The following COL22A1 variants were observed in gnomAD, a reference collection of about 807,000 sequenced individuals.
COL22A1 encodes the protein collagen alpha-1(XXII) chain.
COL22A1 carries 221 observed loss-of-function variants against 248.9 expected under a neutral mutation model. The ratio of observed to expected loss-of-function variants is 0.89; its 90% CI spans 0.80 to 0.99. COL22A1 has a LOEUF of 0.99. Ranked by LOEUF, COL22A1 falls within the 50% of genes least tolerant of loss-of-function variation. The pLI, the probability that COL22A1 is intolerant of heterozygous loss-of-function variation, is 0.00. For missense variants in COL22A1, 2,240 were observed against 2,179.0 expected, an observed-to-expected ratio of 1.03 and a Z score of -0.56; for synonymous variants, 891 against 793.4, an observed-to-expected ratio of 1.12 and a Z score of -2.07.
chr8:138,903,411 G>A (rs552251766), intron 1 of COL22A1, among the ~76,000 whole-genome samples: 4 of 152,306 alleles, frequency 2.6e-5, no homozygotes, highest in Non-Finnish European at 5.9e-5. Context: ...TTTTATGCTT[G>A]GGGTAACATG....
chr8:138,840,615 T>G (rs1820812390), intron 4 of COL22A1, among the ~76,000 whole-genome samples: 1 of 151,992 alleles, frequency 6.6e-6, no homozygotes, highest in South Asian at 2.1e-4. Context: ...TAAGAAAAGG[T>G]CTTGCTCTGT....
intron 3 of COL22A1, among the ~76,000 whole-genome samples, chr8:138,875,808 T>A (rs1051008927): frequency 6.6e-5 from 10 of 152,196 alleles, no homozygotes; most frequent in Admixed American, 1.3e-4. Flanking sequence ...AAAGAGAGAA[T>A]CCTTATCCTA....
intron 15 of COL22A1, 170 bp downstream of exon 15, chr8:138,778,183 G>A: frequency 1.3e-6 from 1 of 744,294 alleles, no homozygotes; most frequent in Non-Finnish European, 2.4e-6. Context: ...CTTATGGACT[G>A]TAACATCTAA....
At position 138,877,898 on chromosome 8, in the gene COL22A1, G is replaced by A; in HGVS notation, c.510C>T (p.Ile170=). Residue 170 remains isoleucine (I), a synonymous_variant, in exon 3 of 65, where the codon ATC becomes ATT. Coordinates refer to ENST00000303045, the MANE Select transcript of COL22A1 (RefSeq NM_152888.3). ...DAAAAAHRAG[I]RIFAVGVGEA... is the part of the protein sequence containing the mutation. ...CGCCCACGCCCACGGCAAAGATGCGGATGCCAGCGCGGTGGGCTGCCGCCG... is the reference window on the plus strand; with the variant it reads ...CGCCCACGCCCACGGCAAAGATGCGAATGCCAGCGCGGTGGGCTGCCGCCG... 1.9e-6 allele frequency: 3 copies of A among 1,611,742 alleles called. No individual in the cohort carries two copies. The South Asian group carries it at 3.3e-5, about 18-fold the overall frequency.
intron 3 of COL22A1, among the ~76,000 whole-genome samples, chr8:138,853,644 C>G (rs1050709423): frequency 1.3e-5 from 2 of 152,166 alleles, no homozygotes; most frequent in Non-Finnish European, 2.9e-5. Context: ...TTCCAAGGAG[C>G]TCAACAGTGT....
intron 41 of COL22A1, among the ~76,000 whole-genome samples, chr8:138,666,988 G>T (rs968405239): frequency 6.6e-6 from 1 of 152,100 alleles, no homozygotes; most frequent in African/African-American, 2.4e-5. Context: ...ACCTTGCCTT[G>T]TGTTATCAGA....
At chr8:138,638,048 T>C (rs1470629730) in intron 47 of COL22A1, among the ~76,000 whole-genome samples, 1 of 152,012 alleles carries the variant, frequency 6.6e-6, no homozygotes, top group Non-Finnish European at 1.5e-5. Flanking sequence ...CTCATCATCA[T>C]CATTGTCATC....
intron 16 of COL22A1, among the ~76,000 whole-genome samples, chr8:138,775,697 G>T (rs531948191): frequency 6.6e-6 from 1 of 152,264 alleles, no homozygotes; most frequent in Non-Finnish European, 1.5e-5. Context: ...CTCCGCCTTG[G>T]TGCAGAGGAT....
intron 1 of COL22A1, among the ~76,000 whole-genome samples, chr8:138,909,850 T>C (rs1815315334): frequency 6.6e-6 from 1 of 152,192 alleles, no homozygotes; most frequent in Non-Finnish European, 1.5e-5. Flanking sequence ...TTTCAGCCTC[T>C]CATGAGTGCT....
rs1554633655 is a variant in COL22A1, at chr8:138,809,528, C to CTTTTTCTTTTTCT, written c.1450-1717_1450-1716insAGAAAAAGAAAAA. Among the ~76,000 whole-genome samples, 2 of 117,630 alleles carry CTTTTTCTTTTTCT rather than the reference C, an allele frequency of 1.7e-5. 1 individual carries two copies. The highest frequency in any genetic ancestry group is 6.6e-5 in the African/African-American group (2 of 30,110). The allele number at this position is 117,630 out of a possible 152,430, so 77.2% of individuals were successfully genotyped here. The stretch of plus-strand genomic sequence containing the variant: ...TTTCTTCTTCTCTTTTTTTCTTTTT[C>CTTTTTCTTTTTCT]TTTTTTTTTTGAGACAGAGTCTCAC... On this transcript the variant is annotated intron_variant, in intron 9 of 64. Transcript: ENST00000303045.
chr8:138,807,922 G>GC (rs1301796839), intron 9 of COL22A1, 110 bp from the exon 10 acceptor site: 2 of 1,078,544 alleles, frequency 1.9e-6, no homozygotes, highest in Non-Finnish European at 2.8e-6. Context: ...GGCTTAGTAA[G>GC]CCCAGCGCCG....
At chr8:138,816,532 T>G (rs1426620173) in intron 7 of COL22A1, among the ~76,000 whole-genome samples, 1 of 152,192 alleles carries the variant, frequency 6.6e-6, no homozygotes, top group Non-Finnish European at 1.5e-5. Flanking sequence ...GGCTGCAGTG[T>G]GGAAACCAAT....
At chr8:138,819,820 T>C (rs900700572) in intron 7 of COL22A1, among the ~76,000 whole-genome samples, 1 of 151,594 alleles carries the variant, frequency 6.6e-6, no homozygotes, top group Non-Finnish European at 1.5e-5. Context: ...TTGAAATACA[T>C]GGGAAAGTTA....
At chr8:138,634,828 G>T (rs144313944) in intron 49 of COL22A1, among the ~76,000 whole-genome samples, 182 bp downstream of exon 49, 2 of 152,166 alleles carry the variant, frequency 1.3e-5, no homozygotes, top group East Asian at 3.9e-4. Flanking sequence ...ACTCCAGACC[G>T]TCTGCACTTT....
intron 47 of COL22A1, among the ~76,000 whole-genome samples, chr8:138,638,140 C>T (rs1401547943): frequency 6.6e-6 from 1 of 151,918 alleles, no homozygotes; most frequent in Non-Finnish European, 1.5e-5. Flanking sequence ...CACAGACCAC[C>T]CAAGAAAGTA....
intron 23 of COL22A1, among the ~76,000 whole-genome samples, chr8:138,733,201 G>A (rs1830840816): frequency 6.6e-6 from 1 of 152,172 alleles, no homozygotes; most frequent in South Asian, 2.1e-4. Context: ...CGCACTGCCT[G>A]CACATAAACA....
intron 46 of COL22A1, 90 bp downstream of exon 46, chr8:138,649,575 A>C (rs1486165462): frequency 2.0e-6 from 3 of 1,535,798 alleles, no homozygotes; most frequent in Non-Finnish European, 2.6e-6. Context: ...AACCCTGAAC[A>C]CCTTCAGAGG....
At chr8:138,899,023 T>C (rs1463357132) in intron 1 of COL22A1, among the ~76,000 whole-genome samples, 5 of 152,234 alleles carry the variant, frequency 3.3e-5, no homozygotes, top group African/African-American at 7.2e-5. Context: ...TTCAGCCACA[T>C]GCTGCAGATG....
intron 22 of COL22A1, among the ~76,000 whole-genome samples, chr8:138,749,846 G>T (rs191203478): frequency 8.5e-5 from 13 of 152,214 alleles, no homozygotes; most frequent in African/African-American, 3.1e-4. Context: ...GGGAAACTGA[G>T]CCAGGGGTGG....
Sources: gnomAD v4.1 joint callset for allele counts (sites outside exome capture counted in the v4.1 genomes callset) on GRCh38, gnomAD v4.1.1 for gene constraint, MANE v1.5 for transcripts, NCBI Gene and HGNC (gene_info 2026-07-23, HGNC 2026-07-21) for gene names.